Variants in NWD1 observed in about 807,000 individuals in gnomAD.
NWD1 encodes NACHT domain- and WD repeat-containing protein 1.
In NWD1, 129 loss-of-function variants were observed where a neutral mutation model predicts 135.1. The observed-to-expected ratio is 0.96, with a 90% CI of 0.83 to 1.11. NWD1 has a LOEUF of 1.11. Among genes scored for constraint, NWD1 ranks in the 50% least tolerant of loss-of-function variants. The pLI, the probability that NWD1 is intolerant of heterozygous loss-of-function variation, is 0.00. For synonymous variants in NWD1, 773 were observed against 786.0 expected (o/e 0.98, Z 0.28); for missense variants, 1,740 against 1,851.3 (o/e 0.94, Z 1.10).
intron 12 of NWD1, among the ~76,000 whole-genome samples, chr19:16,784,595 A>T (rs1969973843): frequency 6.6e-6 from 1 of 152,034 alleles, no homozygotes; most frequent in African/African-American, 2.4e-5. Context: ...CAGAACAGCA[A>T]GGAAATCATG....
chr19:16,750,398 A>T lies in NWD1; in HGVS notation c.1756A>T (p.Ile586Phe), dbSNP rs760800433. The T allele has an allele frequency of 1.3e-6, 2 of 1,565,186 alleles. No individual in the cohort carries two copies. Among genetic ancestry groups the T allele is most frequent in the South Asian group, 1.2e-5 (1 of 86,434 alleles). The change falls in exon 6 of 19, where the codon ATT becomes TTT. Residue 586 changes from isoleucine (I) to phenylalanine (F), a missense_variant. By Grantham distance (21) the Ile-to-Phe change is conservative. Coordinates refer to ENST00000524140, the MANE Select transcript of NWD1 (RefSeq NM_001007525.5). ...CCTCGTGGCCCACGTGCTGGGCTAC[A>T]TTGTGTCTTCCCGGTAAGTCTCTGT... ...QLLVAHVLGY[I>F]VSSRHGLSEA... is the part of the protein sequence containing the mutation.
At chr19:16,745,094 A>G (rs1968251812) in intron 5 of NWD1, 1 of 470,252 alleles carries the variant, frequency 2.1e-6, no homozygotes. Flanking sequence ...GAGGCCTCAC[A>G]ATCATGGCTG....
intron 8 of NWD1, among the ~76,000 whole-genome samples, chr19:16,762,359 T>C (rs1235776959): frequency 7.0e-6 from 1 of 143,828 alleles, no homozygotes; most frequent in Non-Finnish European, 1.5e-5. Context: ...TGCAATGGCG[T>C]GATCTCAGCT....
Position 16,765,167 on chromosome 19 carries a change from C to T in NWD1, c.2385C>T (p.Arg795=). The change falls in exon 10 of 19, where the codon CGC becomes CGT. Residue 795 remains arginine, a synonymous_variant. Coordinates refer to ENST00000524140, the MANE Select transcript of NWD1 (RefSeq NM_001007525.5). ...GLVREALQLC[R]PAVELRGMER... is the part of the protein sequence containing the mutation. ...TCCGTGAAGCCCTCCAGCTCTGCCG[C>T]CCTGCTGTGGAGCTCCGAGGCATGG... The T allele has an allele frequency of 1.2e-6, 2 of 1,614,124 alleles. No individual in the cohort carries two copies. The highest frequency in any genetic ancestry group is 1.3e-5 in the African/African-American group (1 of 75,032).
chr19:16,746,235 C>T (rs1968309124), intron 5 of NWD1, among the ~76,000 whole-genome samples: 1 of 151,950 alleles, frequency 6.6e-6, no homozygotes, highest in Admixed American at 6.6e-5. Context: ...TGGTGCACAC[C>T]TGTAGTCTCA....
intron 15 of NWD1, 107 bp from the exon 16 acceptor site, chr19:16,797,625 G>A: frequency 9.5e-7 from 1 of 1,051,274 alleles, no homozygotes; most frequent in Non-Finnish European, 1.4e-6. Context: ...TGGGATTACA[G>A]GCATGAACCA....
chr19:16,778,433 C>T (rs1486380728), intron 11 of NWD1, among the ~76,000 whole-genome samples: 3 of 151,840 alleles, frequency 2.0e-5, no homozygotes, highest in Non-Finnish European at 4.4e-5. Context: ...AAAACATAAT[C>T]CTCATTCTCA....
At chr19:16,774,911 G>A (rs1215444008) in intron 11 of NWD1, among the ~76,000 whole-genome samples, 2 of 151,616 alleles carry the variant, frequency 1.3e-5, no homozygotes, top group South Asian at 2.1e-4. Flanking sequence ...CAATTTCATC[G>A]AGAAACTGAT....
chr19:16,722,883 G>A (rs974613695), intron 1 of NWD1, among the ~76,000 whole-genome samples: 7 of 151,952 alleles, frequency 4.6e-5, no homozygotes, highest in Admixed American at 1.3e-4. Context: ...TAAAAACCCC[G>A]GACACCAAGG....
At chr19:16,735,986 C>A (rs1385926606) in intron 3 of NWD1, among the ~76,000 whole-genome samples, 1 of 148,568 alleles carries the variant, frequency 6.7e-6, no homozygotes. Context: ...AAAGATAAAT[C>A]AACATTGGTA....
intron 12 of NWD1, among the ~76,000 whole-genome samples, chr19:16,786,062 G>T (rs547955659): frequency 1.9e-3 from 290 of 152,086 alleles, no homozygotes; most frequent in Non-Finnish European, 3.4e-3. Context: ...ACAAGGTTTT[G>T]CCATGTTGGC....
chr19:16,747,227 G>A (rs1968359822), intron 5 of NWD1, among the ~76,000 whole-genome samples: 1 of 151,472 alleles, frequency 6.6e-6, no homozygotes, highest in Admixed American at 6.6e-5. Context: ...AGTAGAGACG[G>A]GGTTTCCCCA....
chr19:16,732,733 C>G (rs1214190328), intron 3 of NWD1, among the ~76,000 whole-genome samples: 2 of 148,550 alleles, frequency 1.3e-5, no homozygotes, highest in Non-Finnish European at 3.0e-5. Flanking sequence ...CTTCTGGGCT[C>G]AAGGGATCCT....
chr19:16,763,970 G>A (rs754193455), intron 9 of NWD1, 25 bp downstream of exon 9: 1 of 1,408,660 alleles, frequency 7.1e-7, no homozygotes, highest in Admixed American at 1.7e-5. Context: ...CCATCTCAGA[G>A]GACCGAGCCT....
chr19:16,765,244 G>C (rs754959785), intron 10 of NWD1, 52 bp downstream of exon 10: 1 of 1,536,856 alleles, frequency 6.5e-7, no homozygotes, highest in South Asian at 1.2e-5. Context: ...CTGACTTCTA[G>C]AAACATGCTC....
intron 3 of NWD1, among the ~76,000 whole-genome samples, chr19:16,733,191 A>C (rs10451506): frequency 0.58 from 87,809 of 150,542 alleles, 26,346 homozygotes; most frequent in African/African-American, 0.66. Flanking sequence ...ACTGCACTCT[A>C]GCCTGGGTGC....
intron 3 of NWD1, among the ~76,000 whole-genome samples, chr19:16,732,730 G>A (rs1405100204): frequency 6.7e-6 from 1 of 149,000 alleles, no homozygotes; most frequent in East Asian, 1.9e-4. Context: ...GAGCTTCTGG[G>A]CTCAAGGGAT....
In NWD1 at chr19:16,726,518, C is replaced by T. The variant is rs146771693; in HGVS notation, c.-7+2055C>T. ...GCAGTGGTGTGATCTTAGTTCACTG[C>T]AACCTCCACCTCCTGAGTTCAAGCG... On this transcript the variant is annotated intron_variant, in intron 2 of 18. Transcript: ENST00000524140. Among the ~76,000 whole-genome samples the T allele has an allele frequency of 6.4e-3, 973 of 152,088 alleles. 6 individuals carry two copies. Among genetic ancestry groups the T allele is most frequent in the African/African-American group, 0.022 (932 of 41,484 alleles).
At chr19:16,805,180 T>C (rs974881962) in intron 17 of NWD1, among the ~76,000 whole-genome samples, 6 of 152,042 alleles carry the variant, frequency 3.9e-5, no homozygotes, top group Middle Eastern at 3.2e-3. Context: ...TGCCTCAGCC[T>C]CCCGAGTAGC....
Sources: gnomAD v4.1 joint callset for allele counts (sites outside exome capture counted in the v4.1 genomes callset) on GRCh38, gnomAD v4.1.1 for gene constraint, MANE v1.5 for transcripts, NCBI Gene and HGNC (gene_info 2026-07-23, HGNC 2026-07-21) for gene names.